ASTN2: variants seen among roughly 807,000 people sequenced by gnomAD.
ASTN2 encodes the protein astrotactin 2, also known as astrotactin-2.
A neutral mutation model predicts 139.8 loss-of-function variants in ASTN2; 54 were observed. That is an observed-to-expected ratio of 0.39 (90% CI 0.31 to 0.48). ASTN2 has a LOEUF of 0.48. ASTN2 is among the 20% of genes least tolerant of loss of function. The pLI is 0.95. For missense variants in ASTN2, 1,565 were observed against 1,725.1 expected, an observed-to-expected ratio of 0.91 and a Z score of 1.64; for synonymous variants, 756 against 719.5, an observed-to-expected ratio of 1.05 and a Z score of -0.81.
chr9:117,380,597 CAA>C (rs1199618121), intron 1 of ASTN2, among the ~76,000 whole-genome samples: 51 of 92,544 alleles, frequency 5.5e-4, no homozygotes, highest in Admixed American at 4.9e-4. Flanking sequence ...GAGCAAGACT[CAA>C]AAAAAAAAAA....
At chr9:117,240,784 A>G (rs923580138) in intron 2 of ASTN2, among the ~76,000 whole-genome samples, 5 of 152,214 alleles carry the variant, frequency 3.3e-5, no homozygotes, top group Non-Finnish European at 7.3e-5. Flanking sequence ...TCTAAAGCCC[A>G]AAGAATTTGC....
chr9:116,866,471 G>C (rs1436335994), intron 10 of ASTN2, among the ~76,000 whole-genome samples: 2 of 152,202 alleles, frequency 1.3e-5, no homozygotes, highest in African/African-American at 2.4e-5. Context: ...AGAATTAATA[G>C]TTCCTGAAAT....
At chr9:116,706,687 T>G (rs1249055448) in intron 16 of ASTN2, among the ~76,000 whole-genome samples, 1 of 151,572 alleles carries the variant, frequency 6.6e-6, no homozygotes, top group Non-Finnish European at 1.5e-5. Flanking sequence ...AAGCAGAGGG[T>G]CTAGGAGATG....
chr9:117,220,918 C>A (rs1588098529), intron 2 of ASTN2, among the ~76,000 whole-genome samples: 1 of 152,176 alleles, frequency 6.6e-6, no homozygotes, highest in African/African-American at 2.4e-5. Flanking sequence ...TGAGGTGAGG[C>A]TTTCATGGCT....
intron 17 of ASTN2, among the ~76,000 whole-genome samples, chr9:116,650,115 A>T (rs906443507): frequency 2.6e-5 from 4 of 152,114 alleles, no homozygotes; most frequent in Non-Finnish European, 5.9e-5. Context: ...ATAGAGTTCT[A>T]CTAGACTTAG....
chr9:117,044,043 T>C (rs1020223591), intron 5 of ASTN2, among the ~76,000 whole-genome samples: 2 of 152,148 alleles, frequency 1.3e-5, no homozygotes, highest in Non-Finnish European at 2.9e-5. Flanking sequence ...TCAGGGGTGT[T>C]GTAAGAACAA....
intron 11 of ASTN2, among the ~76,000 whole-genome samples, chr9:116,855,218 C>T (rs1173675492): frequency 6.6e-6 from 1 of 152,098 alleles, no homozygotes; most frequent in Admixed American, 6.5e-5. Flanking sequence ...GAGAATGCCA[C>T]ACACAATAAT....
chr9:116,709,098 G>A (rs578081116), intron 16 of ASTN2, among the ~76,000 whole-genome samples: 59 of 152,316 alleles, frequency 3.9e-4, no homozygotes, highest in Admixed American at 3.5e-3. Context: ...CCCTCAGCCT[G>A]TGACTCTCCA....
At chr9:117,015,016 TTTGTTGTTG>T (rs528035282) in intron 6 of ASTN2, among the ~76,000 whole-genome samples, 9 of 152,000 alleles carry the variant, frequency 5.9e-5, no homozygotes, top group African/African-American at 2.2e-4. Context: ...TTGTTTGTTG[TTTGTTGTTG>T]TTGTTGTTGT....
intron 6 of ASTN2, among the ~76,000 whole-genome samples, chr9:117,010,353 C>T (rs1377068529): frequency 6.6e-6 from 1 of 152,102 alleles, no homozygotes; most frequent in Non-Finnish European, 1.5e-5. Context: ...TAAAAAAGCA[C>T]AGTCATGCTG....
intron 13 of ASTN2, among the ~76,000 whole-genome samples, chr9:116,739,131 T>A (rs144033809): frequency 7.6e-4 from 116 of 152,290 alleles, no homozygotes; most frequent in East Asian, 2.3e-3. Flanking sequence ...AAATAGTAGA[T>A]CTTGGGCCCC....
intron 19 of ASTN2, among the ~76,000 whole-genome samples, chr9:116,601,494 G>C (rs1312200381): frequency 6.6e-6 from 1 of 152,034 alleles, no homozygotes; most frequent in Non-Finnish European, 1.5e-5. Context: ...CTAATGTGAG[G>C]ACTATTTAAA....
chr9:116,858,339 C>T (rs1315371837), intron 11 of ASTN2, among the ~76,000 whole-genome samples: 3 of 152,120 alleles, frequency 2.0e-5, no homozygotes, highest in Admixed American at 6.5e-5. Flanking sequence ...TTAAGGAGGA[C>T]GCATTGTGTT....
intron 1 of ASTN2, among the ~76,000 whole-genome samples, chr9:117,334,734 G>A (rs906101775): frequency 1.3e-5 from 2 of 151,954 alleles, no homozygotes; most frequent in Non-Finnish European, 2.9e-5. Flanking sequence ...ACCACTTCCT[G>A]GAAGTTTTCC....
At chr9:116,439,595 A>C (rs1040850) in intron 22 of ASTN2, among the ~76,000 whole-genome samples, 2 of 152,098 alleles carry the variant, frequency 1.3e-5, no homozygotes, top group Non-Finnish European at 2.9e-5. Flanking sequence ...AGTGGTAGGC[A>C]AGTGATCAAA....
At chr9:117,188,479 C>T (rs1051166243) in intron 3 of ASTN2, among the ~76,000 whole-genome samples, 1 of 152,076 alleles carries the variant, frequency 6.6e-6, no homozygotes, top group Admixed American at 6.5e-5. Context: ...ATTTTCCAGT[C>T]ACTGGCCTCT....
intron 1 of ASTN2, among the ~76,000 whole-genome samples, chr9:117,335,649 G>A (rs1471363382): frequency 6.6e-6 from 1 of 152,036 alleles, no homozygotes; most frequent in Non-Finnish European, 1.5e-5. Flanking sequence ...AAAGGAGAAT[G>A]GATTTTTTCA....
chr9:116,722,213 G>T (rs1564231916), intron 16 of ASTN2, among the ~76,000 whole-genome samples: 1 of 152,128 alleles, frequency 6.6e-6, no homozygotes, highest in Non-Finnish European at 1.5e-5. Context: ...TAGGAACAGA[G>T]CCTATATCTT....
At chr9:116,436,186 A>T (rs1307535960) in intron 22 of ASTN2, among the ~76,000 whole-genome samples, 3 of 152,118 alleles carry the variant, frequency 2.0e-5, no homozygotes. Context: ...GATCTCTTCA[A>T]GTCTTTTAAT....
Sources: allele counts gnomAD v4.1 joint callset (sites outside exome capture counted in the v4.1 genomes callset), GRCh38; gene constraint gnomAD v4.1.1; transcripts MANE v1.5; gene names NCBI Gene and HGNC (gene_info 2026-07-23, HGNC 2026-07-21).